Variants in TCP11L2 observed in about 807,000 individuals in gnomAD.
TCP11L2 encodes the protein T-complex protein 11-like protein 2.
A neutral mutation model predicts 50.7 loss-of-function variants in TCP11L2; 39 were observed. The ratio of observed to expected loss-of-function variants is 0.77; its 90% confidence interval spans 0.60 to 1.01. The LOEUF (loss-of-function observed/expected upper bound fraction) is 1.01, where lower values mean the gene tolerates loss of function less well. TCP11L2 is among the 50% of genes least tolerant of loss of function. The probability of loss-of-function intolerance (pLI) is 0.00; values close to 1 mark genes in which losing one functional copy is unlikely to be tolerated. For missense variants in TCP11L2, 612 were observed against 614.7 expected (o/e 1.00, Z 0.05); for synonymous variants, 192 against 219.3 (o/e 0.88, Z 1.10).
At chr12:106,311,449 C>T (rs1030155302) in intron 2 of TCP11L2, among the ~76,000 whole-genome samples, 2 of 152,122 alleles carry the variant, frequency 1.3e-5, no homozygotes, top group Admixed American at 1.3e-4. Context: ...TCACTGCTTC[C>T]GATCTGTTTC....
At chr12:106,316,169 C>T (rs2035071857) in intron 3 of TCP11L2, among the ~76,000 whole-genome samples, 1 of 152,292 alleles carries the variant, frequency 6.6e-6, no homozygotes, top group South Asian at 2.1e-4. Context: ...TAGGCTAGGC[C>T]ACCGTCATCT....
chr12:106,337,958 G>A (rs1053565003), intron 8 of TCP11L2, among the ~76,000 whole-genome samples: 12 of 151,946 alleles, frequency 7.9e-5, no homozygotes, highest in African/African-American at 2.2e-4. Context: ...TCCTCATTAC[G>A]GATGGGGCAA....
At chr12:106,330,265 T>A (rs535753193) in intron 6 of TCP11L2, 1 of 985,162 alleles carries the variant, frequency 1.0e-6, no homozygotes, top group East Asian at 1.1e-4. Context: ...GTAAGAGACA[T>A]TTTATTCAAA....
At chr12:106,314,576 T>TGTGTGTGTGAGA (rs1469308055) in intron 3 of TCP11L2, 83 bp downstream of exon 3, 10 of 282,666 alleles carry the variant, frequency 3.5e-5, no homozygotes, top group African/African-American at 3.2e-4. Flanking sequence ...TGTGTGTGTG[T>TGTGTGTGTGAGA]GAGAGAGAGA....
intron 5 of TCP11L2, among the ~76,000 whole-genome samples, chr12:106,323,019 C>G (rs1236984355): frequency 6.6e-6 from 1 of 152,178 alleles, no homozygotes; most frequent in Non-Finnish European, 1.5e-5. Flanking sequence ...TGTCCTCTTT[C>G]ACAGATGAGG....
Position 106,311,102 on chromosome 12 carries a change from T to C in TCP11L2, c.27T>C (p.Cys9=), listed in dbSNP as rs1420285888. The C allele has an allele frequency of 1.2e-6, 2 of 1,614,160 alleles. No homozygotes were observed. The highest frequency in any genetic ancestry group is 1.3e-5 in the African/African-American group (1 of 75,044). The part of the protein sequence containing the change: MPFNGEKQ[C]VGEDQPSDSD... ...TGCCCTTCAATGGCGAGAAGCAGTG[T>C]GTGGGAGAGGACCAGCCAAGCGATT... Residue 9 remains cysteine, a synonymous_variant, in exon 2 of 10, where the codon TGT becomes TGC. Transcript: ENST00000299045.
At position 106,336,208 on chromosome 12, in the gene TCP11L2, C is replaced by G. The variant is rs2035915364; in HGVS notation, c.1137C>G (p.Asn379Lys). The change falls in exon 8 of 10, where the codon AAC becomes AAG. Residue 379 changes from asparagine to lysine, a missense_variant. Physicochemically the swap from Asn to Lys is moderately conservative, Grantham distance 94. Transcript: ENST00000299045. ...RISAVLLEGM[N>K]KETFNLKEVL... Reference sequence around the variant, plus strand: ...CAGCTGTTCTACTTGAAGGCATGAACAAAGAGTAAGTTCCAAATTTTTGCA... The same window carrying G: ...CAGCTGTTCTACTTGAAGGCATGAAGAAAGAGTAAGTTCCAAATTTTTGCA... 6.2e-7 allele frequency: 1 copy of G among 1,604,458 alleles called. No homozygotes were observed. Among genetic ancestry groups the G allele is most frequent in the Non-Finnish European group, 8.5e-7 (1 of 1,177,062 alleles).
intron 9 of TCP11L2, among the ~76,000 whole-genome samples, chr12:106,342,716 A>G (rs1161211980): frequency 1.3e-5 from 2 of 152,230 alleles, no homozygotes; most frequent in Non-Finnish European, 2.9e-5. Flanking sequence ...ACTTTCACTC[A>G]AAGTCCCATA....
rs1192389508 is a variant in TCP11L2 at position 106,323,494 on chromosome 12, A to T, written c.636-16A>T. 2 of 1,531,100 alleles carry T rather than the reference A, an allele frequency of 1.3e-6. No homozygotes were observed. The highest frequency in any genetic ancestry group is 4.9e-5 in the East Asian group (2 of 40,644). The allele number at this position is 1,531,100 out of a possible 1,614,324, so 94.8% of individuals were successfully genotyped here. On this transcript the variant is annotated splice_polypyrimidine_tract_variant and intron_variant, in intron 5 of 9. Transcript: ENST00000299045. The stretch of plus-strand genomic sequence containing the variant: ...ACTTCTTAATCATCTCTCTATTTTA[A>T]TTCTAAAATTTTTAGACAAATATTC...
chr12:106,342,179 C>T lies in TCP11L2; in HGVS notation c.1315+1181C>T, dbSNP rs957628920. Among the ~76,000 whole-genome samples, 10 of 152,304 alleles carry T rather than the reference C, an allele frequency of 6.6e-5. No individual in the cohort carries two copies. The East Asian group carries it at 1.4e-3, about 21-fold the overall frequency. The stretch of plus-strand genomic sequence containing the variant: ...GCAAATTTTCAAAGTACAACATTGA[C>T]GGCCTTAAGAATACAAATACATTTT... On this transcript the variant is annotated intron_variant, in intron 9 of 9. Transcript: ENST00000299045.
intron 6 of TCP11L2, among the ~76,000 whole-genome samples, chr12:106,331,278 T>A (rs943114551): frequency 6.6e-6 from 1 of 152,140 alleles, no homozygotes; most frequent in African/African-American, 2.4e-5. Flanking sequence ...GGAGATCTGC[T>A]GAGATTCTGC....
chr12:106,298,862 G>A (rs931112154), upstream of TCP11L2, among the ~76,000 whole-genome samples: 1 of 151,090 alleles, frequency 6.6e-6, no homozygotes, highest in Non-Finnish European at 1.5e-5. Context: ...TTGTTGCCCA[G>A]GCCGGAGTGC....
chr12:106,332,490 A>G (rs2035780578), intron 6 of TCP11L2, among the ~76,000 whole-genome samples: 1 of 152,246 alleles, frequency 6.6e-6, no homozygotes, highest in South Asian at 2.1e-4. Flanking sequence ...TGAACTATTG[A>G]TACATACAAC....
At chr12:106,297,993 G>T (rs2034374362), upstream of TCP11L2, among the ~76,000 whole-genome samples, 1 of 152,206 alleles carries the variant, frequency 6.6e-6, no homozygotes, top group East Asian at 1.9e-4. Flanking sequence ...GGGGCCCAGG[G>T]TGGGGTGTAG....
chr12:106,328,413 G>A (rs1362007557), intron 6 of TCP11L2, among the ~76,000 whole-genome samples: 1 of 152,200 alleles, frequency 6.6e-6, no homozygotes, highest in Non-Finnish European at 1.5e-5. Context: ...GTGTGGTGGC[G>A]CGTGCCTGTG....
chr12:106,331,305 G>A (rs1200830817), intron 6 of TCP11L2, among the ~76,000 whole-genome samples: 2 of 150,760 alleles, frequency 1.3e-5, no homozygotes, highest in African/African-American at 2.5e-5. Context: ...AAGCTAGCAC[G>A]CTAACTGGTA....
intron 6 of TCP11L2, among the ~76,000 whole-genome samples, chr12:106,331,479 C>G (rs774785512): frequency 6.6e-6 from 1 of 152,212 alleles, no homozygotes; most frequent in Non-Finnish European, 1.5e-5. Context: ...GGCAGAGAAC[C>G]TGACTGGGCC....
intron 5 of TCP11L2, among the ~76,000 whole-genome samples, chr12:106,323,037 G>A (rs1488510306): frequency 6.6e-6 from 1 of 152,194 alleles, no homozygotes; most frequent in Non-Finnish European, 1.5e-5. Flanking sequence ...AGGAAACTGA[G>A]GCTCAGAGAG....
chr12:106,317,347 C>T (rs1372993067), intron 3 of TCP11L2, among the ~76,000 whole-genome samples: 1 of 152,220 alleles, frequency 6.6e-6, no homozygotes, highest in African/African-American at 2.4e-5. Flanking sequence ...GAAACCCTGT[C>T]TCTACTAAAA....
Sources: allele counts gnomAD v4.1 joint callset (sites outside exome capture counted in the v4.1 genomes callset), GRCh38; gene constraint gnomAD v4.1.1; transcripts MANE v1.5; gene names NCBI Gene and HGNC (gene_info 2026-07-23, HGNC 2026-07-21).